ANGPT1: variants seen among roughly 807,000 people sequenced by gnomAD.
The protein encoded by ANGPT1 is angiopoietin 1.
In ANGPT1, 17 loss-of-function variants were observed where a neutral mutation model predicts 62.2. That is an observed-to-expected ratio of 0.27 (90% CI 0.19 to 0.41). ANGPT1 has a LOEUF of 0.41. Among genes scored for constraint, ANGPT1 ranks in the 10% least tolerant of loss-of-function variants. The pLI is 1.00. For synonymous variants in ANGPT1, 199 were observed against 198.9 expected, an observed-to-expected ratio of 1.00 and a Z score of 0.00; for missense variants, 478 against 594.9, an observed-to-expected ratio of 0.80 and a Z score of 2.04.
At chr8:107,454,484 G>A (rs1811862578) in intron 1 of ANGPT1, among the ~76,000 whole-genome samples, 1 of 152,032 alleles carries the variant, frequency 6.6e-6, no homozygotes, top group Admixed American at 6.6e-5. Flanking sequence ...GCAACTTGAT[G>A]CAAATCTGTA....
At chr8:107,374,456 A>C (rs1286593282) in intron 1 of ANGPT1, among the ~76,000 whole-genome samples, 1 of 152,234 alleles carries the variant, frequency 6.6e-6, no homozygotes, top group African/African-American at 2.4e-5. Context: ...GTCATCACAG[A>C]GTCTTGCAGA....
chr8:107,280,164 G>A (rs1813967006), intron 7 of ANGPT1, among the ~76,000 whole-genome samples: 1 of 151,990 alleles, frequency 6.6e-6, no homozygotes, highest in African/African-American at 2.4e-5. Flanking sequence ...AATGTATCTT[G>A]CAAGAAGTAA....
chr8:107,267,455 T>C (rs181827800), intron 7 of ANGPT1, among the ~76,000 whole-genome samples: 306 of 152,226 alleles, frequency 2.0e-3, no homozygotes, highest in Non-Finnish European at 3.5e-3. Flanking sequence ...CCCGTATGAA[T>C]GTTATCAATG....
At chr8:107,421,522 C>T (rs760364949) in intron 1 of ANGPT1, among the ~76,000 whole-genome samples, 13 of 152,154 alleles carry the variant, frequency 8.5e-5, no homozygotes, top group Non-Finnish European at 1.5e-4. Flanking sequence ...AATTCGACTT[C>T]GGTGTCTCTA....
chr8:107,280,206 A>AT (rs112224242), intron 7 of ANGPT1, among the ~76,000 whole-genome samples: 3,398 of 145,516 alleles, frequency 0.023, 73 homozygotes, highest in African/African-American at 0.048. Context: ...TTCTTTTTTT[A>AT]TTTTTTTTTT....
At chr8:107,456,630 C>A (rs753115698) in intron 1 of ANGPT1, among the ~76,000 whole-genome samples, 2 of 151,934 alleles carry the variant, frequency 1.3e-5, no homozygotes, top group Non-Finnish European at 2.9e-5. Flanking sequence ...TACAACAAAA[C>A]CTGCTTTCAT....
intron 5 of ANGPT1, among the ~76,000 whole-genome samples, chr8:107,299,990 G>GTTATATCTAGATATCTAC (rs1814540450): frequency 7.4e-6 from 1 of 134,706 alleles, no homozygotes; most frequent in African/African-American, 2.7e-5. Flanking sequence ...TAGATATCTA[G>GTTATATCTAGATATCTAC]ATATAACTAT....
At chr8:107,349,564 A>G (rs76824285) in intron 1 of ANGPT1, among the ~76,000 whole-genome samples, 2,119 of 152,266 alleles carry the variant, frequency 0.014, 15 homozygotes, top group Middle Eastern at 0.031. Flanking sequence ...ATCATTGCCT[A>G]CTATGCAACA....
intron 6 of ANGPT1, among the ~76,000 whole-genome samples, chr8:107,289,291 C>G (rs1814216918): frequency 6.6e-6 from 1 of 152,038 alleles, no homozygotes; most frequent in Admixed American, 6.6e-5. Flanking sequence ...TAGTTTTTGC[C>G]AAAACCTGCA....
Position 107,305,664 on chromosome 8 carries a change from T to C in ANGPT1, c.809-2297A>G, listed in dbSNP as rs529872810. 9.9e-5 allele frequency among the ~76,000 whole-genome samples: 15 copies of C among 152,116 alleles called. No homozygotes were observed. The South Asian group carries it at 2.9e-3, about 29-fold the overall frequency. ...TCAAAAGGTACACCTAGTATTATGG[T>C]TATATTATGGATTTTTTGTTGTTAT... On this transcript the variant is annotated intron_variant, in intron 4 of 8. Transcript: ENST00000517746.
At chr8:107,284,503 T>G (rs1463456709) in intron 7 of ANGPT1, 179 bp downstream of exon 7, 4 of 463,514 alleles carry the variant, frequency 8.6e-6, no homozygotes, top group Non-Finnish European at 3.4e-6. Context: ...AACTGAAATT[T>G]AAATCTTTGA....
intron 1 of ANGPT1, among the ~76,000 whole-genome samples, chr8:107,433,697 T>C (rs1035048885): frequency 6.6e-6 from 1 of 152,126 alleles, no homozygotes; most frequent in Non-Finnish European, 1.5e-5. Flanking sequence ...CTTCAAACAT[T>C]TCATTCTGTT....
chr8:107,372,272 T>C (rs2130247465), intron 1 of ANGPT1, among the ~76,000 whole-genome samples: 1 of 152,192 alleles, frequency 6.6e-6, no homozygotes, highest in Middle Eastern at 3.4e-3. Context: ...CAAATGTCCA[T>C]TGGTGGCAAA....
intron 3 of ANGPT1, among the ~76,000 whole-genome samples, chr8:107,334,002 G>GAAGT (rs1327485755): frequency 3.6e-5 from 5 of 140,560 alleles, no homozygotes; most frequent in African/African-American, 1.3e-4. Context: ...GGGAGGGAAG[G>GAAGT]AAGGAAGGAA....
At chr8:107,383,488 T>G (rs1816677459) in intron 1 of ANGPT1, among the ~76,000 whole-genome samples, 1 of 152,166 alleles carries the variant, frequency 6.6e-6, no homozygotes, top group African/African-American at 2.4e-5. Flanking sequence ...ATCACAGCAG[T>G]AACATTTGTG....
intron 1 of ANGPT1, among the ~76,000 whole-genome samples, chr8:107,348,442 C>A (rs138402510): frequency 0.011 from 1,723 of 152,288 alleles, 22 homozygotes; most frequent in Middle Eastern, 0.02. Context: ...GGTTTTCAAT[C>A]AAACTCTTAT....
chr8:107,273,374 G>T (rs553379488), intron 7 of ANGPT1, among the ~76,000 whole-genome samples: 1 of 152,024 alleles, frequency 6.6e-6, no homozygotes, highest in South Asian at 2.1e-4. Context: ...TTGCTATAAG[G>T]TCTGCAAATA....
At chr8:107,416,158 G>A (rs572871859) in intron 1 of ANGPT1, among the ~76,000 whole-genome samples, 1 of 152,218 alleles carries the variant, frequency 6.6e-6, no homozygotes, top group South Asian at 2.1e-4. Context: ...CTGTCCACCT[G>A]GAGACACCAT....
chr8:107,381,139 T>C (rs1174911530), intron 1 of ANGPT1, among the ~76,000 whole-genome samples: 1 of 152,234 alleles, frequency 6.6e-6, no homozygotes, highest in African/African-American at 2.4e-5. Context: ...TTGGCTCTCT[T>C]TCTGGTTTTA....
Sources: gnomAD v4.1 joint callset for allele counts (sites outside exome capture counted in the v4.1 genomes callset) on GRCh38, gnomAD v4.1.1 for gene constraint, MANE v1.5 for transcripts, NCBI Gene and HGNC (gene_info 2026-07-23, HGNC 2026-07-21) for gene names.